The following PPP6R3 variants were observed in gnomAD, a reference collection of about 807,000 sequenced individuals.
The protein encoded by PPP6R3 is serine/threonine-protein phosphatase 6 regulatory subunit 3.
A neutral mutation model predicts 110.7 loss-of-function variants in PPP6R3; 38 were observed. The observed-to-expected ratio is 0.34, with a 90% CI of 0.26 to 0.45. PPP6R3 has a LOEUF of 0.45. Among genes scored for constraint, PPP6R3 ranks in the 20% least tolerant of loss-of-function variants. The probability of loss-of-function intolerance (pLI) is 1.00; values close to 1 mark genes in which losing one functional copy is unlikely to be tolerated. For synonymous variants in PPP6R3, 369 were observed against 373.5 expected (o/e 0.99, Z 0.14); for missense variants, 870 against 1,062.4 (o/e 0.82, Z 2.52).
chr11:68,465,081 C>G (rs2153224244), intron 1 of PPP6R3, among the ~76,000 whole-genome samples: 1 of 152,200 alleles, frequency 6.6e-6, no homozygotes, highest in African/African-American at 2.4e-5. Context: ...GGGGTTTCAC[C>G]ATGTGGGCCA....
chr11:68,604,909 T>C lies in PPP6R3; in HGVS notation c.2450+1417T>C, dbSNP rs184275409. On this transcript the variant is annotated intron_variant, in intron 22 of 23. Coordinates refer to ENST00000393800, the MANE Select transcript of PPP6R3 (RefSeq NM_001164161.2). Reference sequence around the variant, plus strand: ...GTTAGTCTATGAAATTAATGAAATTTCCATCAAAATCCCAATAGAGATTTT... The same window carrying C: ...GTTAGTCTATGAAATTAATGAAATTCCCATCAAAATCCCAATAGAGATTTT... Among the ~76,000 whole-genome samples, 7 of 152,342 alleles carry C rather than the reference T, an allele frequency of 4.6e-5. No individual in the cohort carries two copies. In the East Asian group the frequency reaches 1.3e-3, roughly 29 times the overall value.
chr11:68,611,102 C>T (rs1050292410), intron 23 of PPP6R3, among the ~76,000 whole-genome samples: 3 of 152,182 alleles, frequency 2.0e-5, no homozygotes, highest in Admixed American at 6.5e-5. Flanking sequence ...GGGGAAGAGG[C>T]AGGGTGGCCC....
chr11:68,532,013 G>C (rs2099243610), intron 2 of PPP6R3, among the ~76,000 whole-genome samples: 1 of 152,158 alleles, frequency 6.6e-6, no homozygotes, highest in Admixed American at 6.5e-5. Context: ...GCAGTGCCTT[G>C]GCAAATTTTA....
intron 4 of PPP6R3, among the ~76,000 whole-genome samples, chr11:68,545,403 G>C (rs1175685365): frequency 2.6e-5 from 4 of 152,198 alleles, no homozygotes; most frequent in Non-Finnish European, 4.4e-5. Flanking sequence ...TTGATGATCA[G>C]AGATGAAGCT....
At chr11:68,463,355 G>GAAAAA (rs1156285158) in intron 1 of PPP6R3, among the ~76,000 whole-genome samples, 10 of 54,458 alleles carry the variant, frequency 1.8e-4, no homozygotes, top group Non-Finnish European at 2.8e-4. Context: ...CTCAGTCTCA[G>GAAAAA]AAAAAAAAAA....
intron 8 of PPP6R3, 143 bp from the exon 9 acceptor site, chr11:68,564,160 T>G: frequency 1.2e-6 from 1 of 811,226 alleles, no homozygotes; most frequent in Middle Eastern, 3.5e-4. Context: ...AACCCTCTTC[T>G]GCCTCATTAT....
At chr11:68,545,118 C>T in intron 4 of PPP6R3, 94 bp downstream of exon 4, 1 of 987,802 alleles carries the variant, frequency 1.0e-6, no homozygotes, top group Non-Finnish European at 1.5e-6. Flanking sequence ...CTAACTTTGC[C>T]TTAAGTTCAG....
At chr11:68,496,113 C>G (rs368932682) in intron 1 of PPP6R3, among the ~76,000 whole-genome samples, 15 of 152,098 alleles carry the variant, frequency 9.9e-5, no homozygotes, top group East Asian at 3.9e-4. Flanking sequence ...CCTCCGCCCC[C>G]CAAGTTGCTG....
At chr11:68,461,107 C>T (rs1165565496) in intron 1 of PPP6R3, among the ~76,000 whole-genome samples, 1 of 150,934 alleles carries the variant, frequency 6.6e-6, no homozygotes, top group African/African-American at 2.4e-5. Flanking sequence ...GCCTCGTTGA[C>T]GTTCGCGGCC....
intron 1 of PPP6R3, among the ~76,000 whole-genome samples, chr11:68,477,747 T>TATATATATATATATATAGAG (rs1565285690): frequency 4.8e-5 from 6 of 124,220 alleles, no homozygotes; most frequent in Non-Finnish European, 8.3e-5. Flanking sequence ...AAAAAATATA[T>TATATATATATATATATAGAG]ATATATATAT....
At chr11:68,609,285 C>T (rs963927245) in intron 22 of PPP6R3, among the ~76,000 whole-genome samples, 2 of 152,196 alleles carry the variant, frequency 1.3e-5, no homozygotes, top group African/African-American at 4.8e-5. Flanking sequence ...CTCCCTCTGG[C>T]GTTTGTGCTT....
At position 68,613,593 on chromosome 11, in the gene PPP6R3, T is replaced by A; in HGVS notation, c.*476T>A. The A allele has an allele frequency of 7.1e-6, 7 of 986,044 alleles. No homozygotes were observed. The highest frequency in any genetic ancestry group is 8.4e-6 in the Non-Finnish European group (7 of 830,128). 61.1% of individuals were successfully genotyped at this position (986,044 alleles called of 1,614,324 possible). A position where few individuals can be genotyped will look rare whatever the true frequency, so the allele number is the denominator to read the frequency against. On this transcript the variant is annotated 3_prime_UTR_variant, in exon 24 of 24. Coordinates refer to ENST00000393800, the MANE Select transcript of PPP6R3 (RefSeq NM_001164161.2). The stretch of plus-strand genomic sequence containing the variant: ...TCCAGGCCGACAAGGAGTTGTAGAA[T>A]GAAAATGCCCTCTAAGTGTTATTTT...
intron 7 of PPP6R3, among the ~76,000 whole-genome samples, chr11:68,554,975 T>C (rs2099393726): frequency 6.6e-6 from 1 of 152,226 alleles, no homozygotes; most frequent in African/African-American, 2.4e-5. Flanking sequence ...TGAGGCTGTT[T>C]TGCATCTTTG....
chr11:68,486,463 GGT>G (rs1026446054), intron 1 of PPP6R3, among the ~76,000 whole-genome samples: 2 of 152,002 alleles, frequency 1.3e-5, no homozygotes, highest in African/African-American at 4.8e-5. Flanking sequence ...AAATTAGCTG[GGT>G]GTGGTGGCGG....
intron 22 of PPP6R3, among the ~76,000 whole-genome samples, chr11:68,607,497 C>CGTA (rs1162297643): frequency 6.6e-6 from 1 of 152,224 alleles, no homozygotes; most frequent in East Asian, 1.9e-4. Context: ...GCTCTCTACA[C>CGTA]TCTCCATGTG....
In PPP6R3 at chr11:68,506,414, C is replaced by CAAAAAAAAAAAAAAAAAAAAAAAAA. The variant is rs67739319; in HGVS notation, c.-157-13077_-157-13053dup. On this transcript the variant is annotated intron_variant, in intron 1 of 23. Transcript: ENST00000393800. Reference sequence around the variant, plus strand: ...ACTGCTGCACCCAGCCCTTTATACTCAAAAAAAAAAAAAAAAAAAAAAAAA... The same window carrying CAAAAAAAAAAAAAAAAAAAAAAAAA: ...ACTGCTGCACCCAGCCCTTTATACTCAAAAAAAAAAAAAAAAAAAAAAAAAAAAAAAAAAAAAAAAAAAAAAAAAA... Among the ~76,000 whole-genome samples the CAAAAAAAAAAAAAAAAAAAAAAAAA allele has an allele frequency of 1.5e-4, 7 of 46,072 alleles. 1 individual carries two copies. Among genetic ancestry groups the CAAAAAAAAAAAAAAAAAAAAAAAAA allele is most frequent in the Non-Finnish European group, 2.1e-4 (5 of 23,482 alleles). The allele number at this position is 46,072 out of a possible 152,430, so 30.2% of individuals were successfully genotyped here.
intron 5 of PPP6R3, among the ~76,000 whole-genome samples, chr11:68,549,612 G>A (rs1395948200): frequency 1.3e-5 from 2 of 152,140 alleles, no homozygotes; most frequent in East Asian, 3.8e-4. Flanking sequence ...AAGAGGTTGA[G>A]GATTCTGGGG....
chr11:68,597,324 C>T (rs776734639), intron 19 of PPP6R3, among the ~76,000 whole-genome samples: 4 of 152,160 alleles, frequency 2.6e-5, no homozygotes, highest in Non-Finnish European at 5.9e-5. Flanking sequence ...AACAGCTAAT[C>T]CAAATGCCCA....
chr11:68,473,097 GT>G (rs527828055), intron 1 of PPP6R3, among the ~76,000 whole-genome samples: 14 of 152,314 alleles, frequency 9.2e-5, no homozygotes, highest in African/African-American at 2.9e-4. Context: ...AAAATGATAA[GT>G]GTCTTTTTGT....
Sources: allele counts gnomAD v4.1 joint callset (sites outside exome capture counted in the v4.1 genomes callset), GRCh38; gene constraint gnomAD v4.1.1; transcripts MANE v1.5; gene names NCBI Gene and HGNC (gene_info 2026-07-23, HGNC 2026-07-21).